FOXN3: variants seen among roughly 807,000 people sequenced by gnomAD.
FOXN3 encodes the protein forkhead box N3, also known as forkhead box protein N3.
A neutral mutation model predicts 38.4 loss-of-function variants in FOXN3; 7 were observed. The observed-to-expected ratio is 0.18, with a 90% confidence interval of 0.10 to 0.34. The LOEUF (loss-of-function observed/expected upper bound fraction) is 0.34, where lower values mean the gene tolerates loss of function less well. Among genes scored for constraint, FOXN3 ranks in the 10% least tolerant of loss-of-function variants. FOXN3 has a pLI of 1.00. For synonymous variants in FOXN3, 230 were observed against 242.2 expected (o/e 0.95, Z 0.47); for missense variants, 456 against 613.4 (o/e 0.74, Z 2.71).
rs1157998619 is a variant in FOXN3, at chr14:89,546,329, CTTT to C, written c.-15+72696_-15+72698del. Among the ~76,000 whole-genome samples the C allele has an allele frequency of 6.0e-3, 466 of 78,312 alleles. 6 individuals carry two copies. The highest frequency in any genetic ancestry group is 0.024 in the African/African-American group (439 of 18,564). 51.4% of individuals were successfully genotyped at this position (78,312 alleles called of 152,430 possible). Reference sequence around the variant, plus strand: ...TAGCTTCTTTTCTTTTTTCCTTTTTCTTTTTTTTTTTTTTTTTTTGAGATGGAG... The same window carrying C: ...TAGCTTCTTTTCTTTTTTCCTTTTTCTTTTTTTTTTTTTTTTGAGATGGAG... On this transcript the variant is annotated intron_variant, in intron 1 of 6. Coordinates refer to the FOXN3 transcript ENST00000345097.
chr14:89,537,129 G>A (rs1020859356), intron 1 of FOXN3, among the ~76,000 whole-genome samples: 47 of 152,330 alleles, frequency 3.1e-4, no homozygotes, highest in African/African-American at 1.1e-3. Flanking sequence ...TGGTTTATGT[G>A]TCTGAATCCA....
intron 4 of FOXN3, among the ~76,000 whole-genome samples, chr14:89,246,369 G>A (rs1158614741): frequency 6.6e-6 from 1 of 151,990 alleles, no homozygotes; most frequent in African/African-American, 2.4e-5. Flanking sequence ...AAGGCCATCA[G>A]GAAATGCAGC....
intron 5 of FOXN3, among the ~76,000 whole-genome samples, chr14:89,177,408 T>C (rs765369052): frequency 3.3e-5 from 5 of 152,232 alleles, no homozygotes; most frequent in Non-Finnish European, 7.3e-5. Context: ...AAAACTCCTA[T>C]GATGCTCAGG....
chr14:89,346,062 A>T (rs1480721711), intron 3 of FOXN3, among the ~76,000 whole-genome samples: 1 of 152,210 alleles, frequency 6.6e-6, no homozygotes, highest in African/African-American at 2.4e-5. Flanking sequence ...AAAAAATAAA[A>T]GAAAAGAATA....
chr14:89,272,989 C>A (rs1206390339), intron 4 of FOXN3, among the ~76,000 whole-genome samples: 4 of 152,244 alleles, frequency 2.6e-5, no homozygotes, highest in Non-Finnish European at 5.9e-5. Flanking sequence ...GCTCCTGCCC[C>A]TTCCTTCTTT....
chr14:89,257,625 C>G (rs1885664665), intron 4 of FOXN3, among the ~76,000 whole-genome samples: 1 of 152,118 alleles, frequency 6.6e-6, no homozygotes, highest in Non-Finnish European at 1.5e-5. Context: ...TGGCGCACAC[C>G]TATAGTCCTA....
At chr14:89,359,469 A>G (rs924035269) in intron 2 of FOXN3, among the ~76,000 whole-genome samples, 3 of 152,216 alleles carry the variant, frequency 2.0e-5, no homozygotes, top group African/African-American at 7.2e-5. Context: ...ATTGCACATG[A>G]CTATTTGTTT....
intron 4 of FOXN3, 133 bp downstream of exon 4, chr14:89,280,817 C>T (rs1477399751): frequency 3.6e-5 from 24 of 672,362 alleles, no homozygotes; most frequent in Non-Finnish European, 5.9e-5. Flanking sequence ...CCACCCACAA[C>T]AGTCACACTT....
At chr14:89,589,135 A>AT (rs928210809) in intron 1 of FOXN3, among the ~76,000 whole-genome samples, 8 of 151,384 alleles carry the variant, frequency 5.3e-5, no homozygotes, top group African/African-American at 1.7e-4. Context: ...AACTGCAGTC[A>AT]TTTTTTTTTC....
chr14:89,436,512 C>A (rs745454126), intron 1 of FOXN3, among the ~76,000 whole-genome samples: 35 of 152,154 alleles, frequency 2.3e-4, no homozygotes, highest in Non-Finnish European at 4.4e-4. Context: ...AAGTTTCCAC[C>A]CTTGTGGTCT....
intron 1 of FOXN3, among the ~76,000 whole-genome samples, chr14:89,471,669 C>T (rs570252774): frequency 6.6e-6 from 1 of 152,306 alleles, no homozygotes; most frequent in East Asian, 1.9e-4. Context: ...ACACATACTA[C>T]AAACATCACA....
intron 1 of FOXN3, among the ~76,000 whole-genome samples, chr14:89,462,716 G>A (rs1892871729): frequency 6.7e-6 from 1 of 148,274 alleles, no homozygotes; most frequent in Non-Finnish European, 1.5e-5. Flanking sequence ...ATGGAGTCTC[G>A]CTCTGTCGCC....
chr14:89,385,199 T>G (rs1013690502), intron 2 of FOXN3, among the ~76,000 whole-genome samples: 1 of 152,102 alleles, frequency 6.6e-6, no homozygotes, highest in African/African-American at 2.4e-5. Context: ...GCAAGCCCTA[T>G]GAAAAGGAAG....
chr14:89,559,834 G>T lies in FOXN3; in HGVS notation c.-15+59194C>A, dbSNP rs184729039. 8.5e-4 allele frequency among the ~76,000 whole-genome samples: 130 copies of T among 152,140 alleles called. 2 individuals carry two copies. Among genetic ancestry groups the T allele is most frequent in the Non-Finnish European group, 1.2e-4 (8 of 67,970 alleles). On this transcript the variant is annotated intron_variant, in intron 1 of 6. Coordinates refer to the FOXN3 transcript ENST00000345097. The stretch of plus-strand genomic sequence containing the variant: ...TATCTGGGACAGGGAAGCAATAGCT[G>T]GGGACACAGAGGCAGTCACCCGAGC...
At chr14:89,505,485 C>T (rs954776251) in intron 1 of FOXN3, among the ~76,000 whole-genome samples, 9 of 152,144 alleles carry the variant, frequency 5.9e-5, no homozygotes, top group East Asian at 1.9e-4. Context: ...CTGTGTTGGC[C>T]GGGCTGGTCT....
At chr14:89,207,997 G>A (rs1489870744) in intron 4 of FOXN3, among the ~76,000 whole-genome samples, 3 of 151,664 alleles carry the variant, frequency 2.0e-5, no homozygotes, top group Admixed American at 2.0e-4. Flanking sequence ...CCTGGTTGGG[G>A]TTGGGGGAGT....
intron 1 of FOXN3, among the ~76,000 whole-genome samples, chr14:89,582,522 C>T (rs1193176494): frequency 4.6e-5 from 6 of 131,036 alleles, no homozygotes; most frequent in Non-Finnish European, 9.3e-5. Context: ...CGGAGTCTCG[C>T]TCTGTCACCC....
chr14:89,292,655 A>C (rs879361672), intron 3 of FOXN3, among the ~76,000 whole-genome samples: 1 of 152,118 alleles, frequency 6.6e-6, no homozygotes, highest in Admixed American at 6.5e-5. Context: ...TACAGCGTTC[A>C]AGGCCCCATT....
intron 1 of FOXN3, among the ~76,000 whole-genome samples, chr14:89,582,487 C>CTTT (rs57273137): frequency 5.8e-5 from 5 of 86,748 alleles, no homozygotes; most frequent in African/African-American, 1.2e-4. Context: ...TTAAACTCAC[C>CTTT]TTTTTTTTTT....
Sources: allele counts gnomAD v4.1 joint callset (sites outside exome capture counted in the v4.1 genomes callset), GRCh38; gene constraint gnomAD v4.1.1; transcripts MANE v1.5; gene names NCBI Gene and HGNC (gene_info 2026-07-23, HGNC 2026-07-21).